The following SLC25A17 variants were observed in gnomAD, a reference collection of about 807,000 sequenced individuals.
SLC25A17 encodes the protein peroxisomal membrane protein PMP34.
Under a neutral mutation model 38.5 loss-of-function variants are expected in SLC25A17, and 26 were observed. The ratio of observed to expected loss-of-function variants is 0.68; its 90% CI spans 0.50 to 0.94. The LOEUF (loss-of-function observed/expected upper bound fraction) is 0.94. Ranked by LOEUF, SLC25A17 falls within the 40% of genes least tolerant of loss-of-function variation. The pLI is 0.00. For synonymous variants in SLC25A17, 139 were observed against 136.2 expected (o/e 1.02, Z -0.14); for missense variants, 333 against 372.7 (o/e 0.89, Z 0.88).
At chr22:40,774,571 G>A (rs914854139) in intron 7 of SLC25A17, among the ~76,000 whole-genome samples, 4 of 152,248 alleles carry the variant, frequency 2.6e-5, no homozygotes, top group African/African-American at 9.6e-5. Context: ...TCATTTTATA[G>A]AGAGGTATAG....
chr22:40,778,866 A>C (rs2057269974), intron 5 of SLC25A17, 143 bp downstream of exon 5: 3 of 675,430 alleles, frequency 4.4e-6, no homozygotes, highest in African/African-American at 3.6e-5. Context: ...CAAAGAACTT[A>C]AACAAATTTA....
At chr22:40,771,749 T>C (rs374510197) in intron 8 of SLC25A17, among the ~76,000 whole-genome samples, 1 of 152,102 alleles carries the variant, frequency 6.6e-6, no homozygotes, top group Non-Finnish European at 1.5e-5. Flanking sequence ...GGATGGTTAA[T>C]AGGTACAAAA....
intron 4 of SLC25A17, among the ~76,000 whole-genome samples, chr22:40,782,179 T>C (rs1197404873): frequency 1.3e-5 from 2 of 151,966 alleles, no homozygotes; most frequent in Admixed American, 6.6e-5. Flanking sequence ...GAGATCGCAC[T>C]ACTGCACTCC....
At chr22:40,772,294 T>C (rs1297832074) in intron 8 of SLC25A17, among the ~76,000 whole-genome samples, 1 of 152,172 alleles carries the variant, frequency 6.6e-6, no homozygotes. Context: ...TTATACATAT[T>C]CTTTGTCTTT....
chr22:40,772,026 A>C (rs1277013586), intron 8 of SLC25A17, among the ~76,000 whole-genome samples: 2 of 151,750 alleles, frequency 1.3e-5, no homozygotes, highest in Non-Finnish European at 2.9e-5. Context: ...TTAAAAAAAA[A>C]AAAACAAAGC....
At chr22:40,812,682 CCTGATTT>C (rs534061792) in intron 1 of SLC25A17, among the ~76,000 whole-genome samples, 35 of 152,130 alleles carry the variant, frequency 2.3e-4, no homozygotes, top group Non-Finnish European at 4.4e-4. Flanking sequence ...TATAGCCTCT[CCTGATTT>C]AGAACACTGC....
intron 4 of SLC25A17, among the ~76,000 whole-genome samples, chr22:40,787,883 G>A (rs2057352422): frequency 6.6e-6 from 1 of 152,088 alleles, no homozygotes; most frequent in African/African-American, 2.4e-5. Flanking sequence ...CATCTTTGTA[G>A]GTTTATGATA....
At chr22:40,775,234 T>C (rs1168302022) in intron 7 of SLC25A17, among the ~76,000 whole-genome samples, 5 of 152,294 alleles carry the variant, frequency 3.3e-5, no homozygotes, top group South Asian at 2.1e-4. Flanking sequence ...TCTACTGCCA[T>C]AGAGGCCTTC....
chr22:40,793,637 A>G (rs2057402492), intron 3 of SLC25A17, among the ~76,000 whole-genome samples: 1 of 151,344 alleles, frequency 6.6e-6, no homozygotes, highest in African/African-American at 2.4e-5. Flanking sequence ...TTTGAAACGG[A>G]GTTTTGCTCT....
chr22:40,817,833 T>C (rs768683634), intron 1 of SLC25A17, among the ~76,000 whole-genome samples: 3 of 152,168 alleles, frequency 2.0e-5, no homozygotes, highest in Non-Finnish European at 4.4e-5. Context: ...ATTTGCCTCT[T>C]TGTTCCCTCC....
chr22:40,805,535 ACCTT>A (rs1464827886), intron 1 of SLC25A17, among the ~76,000 whole-genome samples: 1 of 152,210 alleles, frequency 6.6e-6, no homozygotes, highest in Non-Finnish European at 1.5e-5. Context: ...CACATGTCCA[ACCTT>A]TTAGGGATAA....
rs777589313 is a variant in SLC25A17, at chr22:40,779,013, G to A, written c.447C>T (p.Ile149=). Residue 149 remains isoleucine (I), a synonymous_variant, in exon 5 of 9, where the codon ATC becomes ATT. Coordinates refer to ENST00000435456, the MANE Select transcript of SLC25A17 (RefSeq NM_006358.4). ...EDIVPTNYKG[I]IDAFHQIIRD... ...ATTCAGCAAAGAGATACTTACCAATGATACCTTTGTAGTTTGTTGGTACAA... is the reference window on the plus strand; with the variant it reads ...ATTCAGCAAAGAGATACTTACCAATAATACCTTTGTAGTTTGTTGGTACAA... 3.0e-5 allele frequency: 48 copies of A among 1,610,942 alleles called. No homozygotes were observed. The South Asian group carries it at 3.7e-4, about 13-fold the overall frequency.
intron 2 of SLC25A17, chr22:40,797,135 G>A: frequency 4.9e-6 from 2 of 412,168 alleles, no homozygotes; most frequent in Non-Finnish European, 9.8e-6. Context: ...GGCAGACTAA[G>A]AGTGAGCATT....
intron 4 of SLC25A17, among the ~76,000 whole-genome samples, chr22:40,784,788 A>G (rs991037302): frequency 6.7e-6 from 1 of 148,862 alleles, no homozygotes; most frequent in Non-Finnish European, 1.5e-5. Flanking sequence ...CAACAACAAA[A>G]AAAAAAAAAA....
In SLC25A17 at chr22:40,773,812, C is replaced by T. The variant is rs538906209; in HGVS notation, c.776+125G>A. 29 of 722,684 alleles carry T rather than the reference C, an allele frequency of 4.0e-5. No individual in the cohort carries two copies. The African/African-American group carries it at 4.4e-4, about 11-fold the overall frequency. The allele number at this position is 722,684 out of a possible 1,614,324, so 44.8% of individuals were successfully genotyped here. Reference sequence around the variant, plus strand: ...ATGGGAAATGTCTAAGCACAGCAAGCAAGGGAAAGGTTTTGGAGGTTGCCA... The same window carrying T: ...ATGGGAAATGTCTAAGCACAGCAAGTAAGGGAAAGGTTTTGGAGGTTGCCA... On this transcript the variant is annotated intron_variant, in intron 8 of 8. Coordinates refer to ENST00000435456, the MANE Select transcript of SLC25A17 (RefSeq NM_006358.4).
intron 8 of SLC25A17, among the ~76,000 whole-genome samples, chr22:40,772,765 T>C (rs118187519): frequency 2.0e-5 from 3 of 152,078 alleles, no homozygotes; most frequent in Non-Finnish European, 1.5e-5. Flanking sequence ...GCCTCGTGTG[T>C]AGCTGTGATT....
In SLC25A17 at chr22:40,797,039, C is replaced by A. The variant is rs533292825; in HGVS notation, c.115+1984G>T. Among the ~76,000 whole-genome samples, 3 of 152,234 alleles carry A rather than the reference C, an allele frequency of 2.0e-5. No homozygotes were observed. The South Asian group carries it at 6.2e-4, about 32-fold the overall frequency. On this transcript the variant is annotated intron_variant, in intron 2 of 8. Transcript: ENST00000435456. ...AAAATTAAGACTATATATTCTTATT[C>A]GCTTGTTATTCCATAAAGAAAGTCT...
Position 40,807,412 on chromosome 22 carries a change from G to A in SLC25A17, c.55-8329C>T, listed in dbSNP as rs180841853. ...TAGGCAGCCTGACTACAGAACTCAC[G>A]CTCTTACTATAATTAAAACTTTTTA... On this transcript the variant is annotated intron_variant, in intron 1 of 8. Transcript: ENST00000435456. 4.0e-3 allele frequency among the ~76,000 whole-genome samples: 611 copies of A among 152,150 alleles called. 3 individuals are homozygous for A. Among genetic ancestry groups the A allele is most frequent in the African/African-American group, 0.014 (583 of 41,510 alleles).
At chr22:40,782,174 C>T (rs895808620) in intron 4 of SLC25A17, among the ~76,000 whole-genome samples, 2 of 151,960 alleles carry the variant, frequency 1.3e-5, no homozygotes, top group East Asian at 1.9e-4. Flanking sequence ...GAGCCGAGAT[C>T]GCACTACTGC....
Sources: allele counts gnomAD v4.1 joint callset (sites outside exome capture counted in the v4.1 genomes callset), GRCh38; gene constraint gnomAD v4.1.1; transcripts MANE v1.5; gene names NCBI Gene and HGNC (gene_info 2026-07-23, HGNC 2026-07-21).